The following TEAD1 variants were observed in gnomAD, a reference collection of about 807,000 sequenced individuals.
TEAD1 encodes TEA domain transcription factor 1.
A neutral mutation model predicts 54.9 loss-of-function variants in TEAD1; 9 were observed. The ratio of observed to expected loss-of-function variants is 0.16; its 90% CI spans 0.10 to 0.29. The LOEUF is 0.29. TEAD1 is among the 10% of genes least tolerant of loss of function. TEAD1 has a pLI of 1.00. For missense variants in TEAD1, 387 were observed against 535.9 expected, an observed-to-expected ratio of 0.72 and a Z score of 2.74; for synonymous variants, 200 against 187.8, an observed-to-expected ratio of 1.07 and a Z score of -0.53.
chr11:12,691,485 TC>T (rs1330591131), intron 2 of TEAD1, among the ~76,000 whole-genome samples: 2 of 152,178 alleles, frequency 1.3e-5, no homozygotes, highest in Non-Finnish European at 2.9e-5. Flanking sequence ...TGGAAATGGA[TC>T]CTGCCTGCCA....
intron 11 of TEAD1, among the ~76,000 whole-genome samples, chr11:12,926,884 G>C (rs913828485): frequency 1.3e-5 from 2 of 152,164 alleles, no homozygotes; most frequent in Non-Finnish European, 2.9e-5. Context: ...TGACCTCCTC[G>C]CCTCTAAGAA....
intron 5 of TEAD1, among the ~76,000 whole-genome samples, chr11:12,876,549 T>C (rs1947857870): frequency 6.6e-6 from 1 of 152,184 alleles, no homozygotes; most frequent in African/African-American, 2.4e-5. Flanking sequence ...CAAGTTCTTT[T>C]GTAGCTATTG....
rs2134183290 is a variant in TEAD1, at chr11:12,942,906, A to T, written c.*5684A>T. The T allele has an allele frequency of 6.6e-6, 1 of 152,344 alleles. No individual in the cohort carries two copies. The highest frequency in any genetic ancestry group is 1.9e-4 in the East Asian group (1 of 5,190). 9.4% of individuals were successfully genotyped at this position (152,344 alleles called of 1,614,324 possible). Reference sequence around the variant, plus strand: ...TTAAAGTCCTTGTTGGCTTTTATCCAAACCTTGTAGAAATTGGGAAAGCTG... The same window carrying T: ...TTAAAGTCCTTGTTGGCTTTTATCCTAACCTTGTAGAAATTGGGAAAGCTG... On this transcript the variant is annotated 3_prime_UTR_variant, in exon 13 of 13. Transcript: ENST00000527636.
In TEAD1 at chr11:12,881,770, T is replaced by C. The variant is rs1947974359; in HGVS notation, c.513-126T>C. Reference sequence around the variant, plus strand: ...ACAACTGCCTCTGCCTGGGGTGTGCTACCACCTGCAGGCAGGGACCACAGC... The same window carrying C: ...ACAACTGCCTCTGCCTGGGGTGTGCCACCACCTGCAGGCAGGGACCACAGC... On this transcript the variant is annotated intron_variant, in intron 7 of 12. Coordinates refer to ENST00000527636, the MANE Select transcript of TEAD1 (RefSeq NM_021961.6). 8.6e-6 allele frequency: 8 copies of C among 933,862 alleles called. No individual in the cohort carries two copies. The East Asian group carries it at 2.0e-4, about 23-fold the overall frequency. The allele number at this position is 933,862 out of a possible 1,614,324, so 57.8% of individuals were successfully genotyped here.
At chr11:12,694,085 A>C in intron 2 of TEAD1, among the ~76,000 whole-genome samples, 1 of 152,234 alleles carries the variant, frequency 6.6e-6, no homozygotes, top group Non-Finnish European at 1.5e-5. Flanking sequence ...GGCCCGGCAC[A>C]ACTCAGCCAG....
chr11:12,733,485 T>C (rs1944464250), intron 2 of TEAD1, among the ~76,000 whole-genome samples: 1 of 152,200 alleles, frequency 6.6e-6, no homozygotes, highest in Admixed American at 6.5e-5. Context: ...ATAGGGAATT[T>C]GAACACCTAG....
chr11:12,794,107 A>G (rs1290817787), intron 3 of TEAD1, among the ~76,000 whole-genome samples: 1 of 152,222 alleles, frequency 6.6e-6, no homozygotes, highest in Non-Finnish European at 1.5e-5. Flanking sequence ...GTAGGAAGGG[A>G]ATGGGGCTTA....
At chr11:12,711,643 C>T (rs182519081) in intron 2 of TEAD1, among the ~76,000 whole-genome samples, 334 of 152,322 alleles carry the variant, frequency 2.2e-3, no homozygotes, top group African/African-American at 7.6e-3. Context: ...TTCCCATCTC[C>T]TTTCTTGTCC....
At chr11:12,678,652 G>A (rs1259740934) in intron 2 of TEAD1, among the ~76,000 whole-genome samples, 1 of 152,180 alleles carries the variant, frequency 6.6e-6, no homozygotes, top group African/African-American at 2.4e-5. Context: ...TCTGAAATCA[G>A]GGAAGTTCTG....
chr11:12,814,241 G>A (rs1188676379), intron 3 of TEAD1, among the ~76,000 whole-genome samples: 2 of 152,158 alleles, frequency 1.3e-5, no homozygotes, highest in African/African-American at 2.4e-5. Flanking sequence ...CTGGACGCCC[G>A]GGGAGTTCAA....
At chr11:12,908,683 T>C (rs1476791769) in intron 10 of TEAD1, among the ~76,000 whole-genome samples, 2 of 152,328 alleles carry the variant, frequency 1.3e-5, no homozygotes, top group East Asian at 3.9e-4. Context: ...GTTGTTTTTA[T>C]ATTATGATTA....
chr11:12,872,824 C>T (rs967128661), intron 5 of TEAD1, among the ~76,000 whole-genome samples: 1 of 152,168 alleles, frequency 6.6e-6, no homozygotes, highest in African/African-American at 2.4e-5. Flanking sequence ...CGAGCAGAAT[C>T]CAGCTTGGAA....
intron 10 of TEAD1, among the ~76,000 whole-genome samples, chr11:12,920,023 T>C (rs1283114990): frequency 1.3e-5 from 2 of 152,234 alleles, no homozygotes; most frequent in African/African-American, 4.8e-5. Flanking sequence ...AATAGTAGAA[T>C]GATTATGAAG....
At chr11:12,808,050 C>T (rs1410086819) in intron 3 of TEAD1, among the ~76,000 whole-genome samples, 1 of 152,070 alleles carries the variant, frequency 6.6e-6, no homozygotes, top group Admixed American at 6.5e-5. Flanking sequence ...AGTTTTGTTT[C>T]TAAATGAATA....
chr11:12,869,854 T>C (rs1486758269), intron 5 of TEAD1, among the ~76,000 whole-genome samples: 1 of 151,652 alleles, frequency 6.6e-6, no homozygotes, highest in Non-Finnish European at 1.5e-5. Context: ...CTCATTTTGC[T>C]CCTAGATTTT....
chr11:12,844,581 G>A (rs1008148235), intron 3 of TEAD1, among the ~76,000 whole-genome samples: 2 of 152,050 alleles, frequency 1.3e-5, no homozygotes, highest in Admixed American at 6.5e-5. Context: ...CAAATATGAC[G>A]ACAGAAAAAT....
intron 3 of TEAD1, among the ~76,000 whole-genome samples, chr11:12,770,001 A>G (rs1030346100): frequency 6.6e-6 from 1 of 152,224 alleles, no homozygotes; most frequent in Non-Finnish European, 1.5e-5. Context: ...AAAAAGAGGA[A>G]GATGTTTATT....
intron 3 of TEAD1, among the ~76,000 whole-genome samples, chr11:12,838,062 G>A (rs548974582): frequency 6.6e-6 from 1 of 152,136 alleles, no homozygotes; most frequent in Non-Finnish European, 1.5e-5. Context: ...CTCCCAAAGT[G>A]CTGGGATTAC....
chr11:12,913,866 T>C (rs1403496924), intron 10 of TEAD1, among the ~76,000 whole-genome samples: 1 of 152,360 alleles, frequency 6.6e-6, no homozygotes, highest in African/African-American at 2.4e-5. Flanking sequence ...GAAAAACTTT[T>C]CATGCACAAA....
Sources: gnomAD v4.1 joint callset for allele counts (sites outside exome capture counted in the v4.1 genomes callset) on GRCh38, gnomAD v4.1.1 for gene constraint, MANE v1.5 for transcripts, NCBI Gene and HGNC (gene_info 2026-07-23, HGNC 2026-07-21) for gene names.